The following PON1 variants were observed in gnomAD, a reference collection of about 807,000 sequenced individuals.
PON1 encodes the protein serum paraoxonase/arylesterase 1.
PON1 carries 37 observed loss-of-function variants against 39.2 expected under a neutral mutation model. The ratio of observed to expected loss-of-function variants is 0.94; its 90% confidence interval spans 0.73 to 1.24. The LOEUF is 1.24. Among genes scored for constraint, PON1 ranks in the 50% most tolerant of loss-of-function variants. PON1 has a pLI of 0.00. For synonymous variants in PON1, 148 were observed against 152.2 expected, an observed-to-expected ratio of 0.97 and a Z score of 0.21; for missense variants, 397 against 413.5, an observed-to-expected ratio of 0.96 and a Z score of 0.35.
chr7:95,302,231 CAT>C lies in PON1; in HGVS notation c.881_882del (p.Tyr294Ter). The C allele has an allele frequency of 6.2e-7, 1 of 1,611,870 alleles. No homozygotes were observed. The highest frequency in any genetic ancestry group is 8.5e-7 in the Non-Finnish European group (1 of 1,178,814). On this transcript the variant is annotated frameshift_variant, in exon 8 of 9. Coordinates refer to ENST00000222381, the MANE Select transcript of PON1 (RefSeq NM_000446.7). LOFTEE classifies it low-confidence loss of function (END_TRUNC). ...CHPNGMKIFFYDSENPPASEV... is the reference protein window; with the variant it reads ...CHPNGMKIFFXDSENPPASEV... ...TCTGATGCAGGAGGATTCTCTGAGT[CAT>C]AGAAGAAGATTTTCATGCCATTGGG... is the stretch of plus-strand genomic sequence containing the variant.
intron 4 of PON1, among the ~76,000 whole-genome samples, chr7:95,312,995 T>C (rs1322746668): frequency 6.6e-6 from 1 of 152,070 alleles, no homozygotes; most frequent in Non-Finnish European, 1.5e-5. Context: ...CTCACTGGGG[T>C]ATTTGAACCA....
rs141598837 is a variant in PON1 at position 95,298,993 on chromosome 7, T to C, written c.1019A>G (p.Lys340Arg). The C allele has an allele frequency of 3.4e-5, 55 of 1,614,192 alleles. No homozygotes were observed. In the East Asian group the frequency reaches 3.6e-4, roughly 10 times the overall value. The change falls in exon 9 of 9, where the codon AAA (lysine) becomes AGA (arginine). Residue 340 changes from lysine (K) to arginine (R), a missense_variant. Physicochemically the swap from Lys to Arg is conservative, Grantham distance 26. Transcript: ENST00000222381. ...GSTVASVYKG[K>R]LLIGTVFHKA... ...GTGAAACACTGTGCCAATCAGCAGTTTCCCTTTGTACACAGAGGCAACTGT... is the reference window on the plus strand; with the variant it reads ...GTGAAACACTGTGCCAATCAGCAGTCTCCCTTTGTACACAGAGGCAACTGT...
chr7:95,317,573 C>CAAAAAAAAAAA (rs869140411), intron 2 of PON1, among the ~76,000 whole-genome samples: 16 of 46,636 alleles, frequency 3.4e-4, no homozygotes, highest in African/African-American at 6.0e-4. Context: ...TCTAAAAGAA[C>CAAAAAAAAAAA]AAAAAAAAAA....
rs1308230700 is a variant in PON1 at position 95,312,414 on chromosome 7, G to C, written c.371-837C>G. The stretch of plus-strand genomic sequence containing the variant: ...TCACCATGTTAAGATGCAAAATTTG[G>C]CAGGTTGAATTGAGAAGATTTGAAC... On this transcript the variant is annotated intron_variant, in intron 4 of 8. Coordinates refer to ENST00000222381, the MANE Select transcript of PON1 (RefSeq NM_000446.7). 3.9e-5 allele frequency among the ~76,000 whole-genome samples: 6 copies of C among 152,264 alleles called. No individual in the cohort carries two copies. The East Asian group carries it at 1.2e-3, about 29-fold the overall frequency.
At chr7:95,299,755 C>T (rs1807376659) in intron 8 of PON1, among the ~76,000 whole-genome samples, 2 of 152,130 alleles carry the variant, frequency 1.3e-5, no homozygotes, top group African/African-American at 2.4e-5. Context: ...GGCTTGCAGA[C>T]CGCCTACTGT....
intron 5 of PON1, among the ~76,000 whole-genome samples, chr7:95,308,731 C>CATGTCAGG (rs1213356052): frequency 2.0e-5 from 3 of 152,160 alleles, no homozygotes; most frequent in African/African-American, 7.2e-5. Flanking sequence ...AATCTTTTCA[C>CATGTCAGG]ATGTCAGGAC....
At chr7:95,299,356 G>A (rs922755240) in intron 8 of PON1, among the ~76,000 whole-genome samples, 2 of 152,140 alleles carry the variant, frequency 1.3e-5, no homozygotes, top group Non-Finnish European at 2.9e-5. Context: ...AATGAGCAGC[G>A]CATCCTGGAT....
rs1375295088 is a variant in PON1, at chr7:95,318,244, G to T, written c.145+79C>A. The T allele has an allele frequency of 2.6e-6, 3 of 1,165,540 alleles. No homozygotes were observed. In the East Asian group the frequency reaches 7.1e-5, roughly 28 times the overall value. The allele number at this position is 1,165,540 out of a possible 1,614,324, so 72.2% of individuals were successfully genotyped here. ...CAAAATTTTATTTTTGGACAGAATT[G>T]AACAGGCACATTAATCACACAAAGA... On this transcript the variant is annotated intron_variant, in intron 2 of 8. Coordinates refer to ENST00000222381, the MANE Select transcript of PON1 (RefSeq NM_000446.7).
chr7:95,300,365 C>A (rs941143098), intron 8 of PON1, among the ~76,000 whole-genome samples: 2 of 152,152 alleles, frequency 1.3e-5, no homozygotes, highest in Admixed American at 1.3e-4. Context: ...TATTATTAAG[C>A]CTTTATGATA....
chr7:95,307,412 T>C (rs982665274), intron 6 of PON1, among the ~76,000 whole-genome samples: 1 of 152,142 alleles, frequency 6.6e-6, no homozygotes, highest in South Asian at 2.1e-4. Context: ...TGACACAAGA[T>C]GAGAAAGGGC....
chr7:95,318,530 T>C (rs1807824844), intron 1 of PON1, 137 bp from the exon 2 acceptor site: 1 of 778,068 alleles, frequency 1.3e-6, no homozygotes, highest in Admixed American at 2.1e-5. Flanking sequence ...CCTGCAATTT[T>C]TCCAGGCAAG....
chr7:95,320,218 A>G (rs1314435305), intron 1 of PON1, among the ~76,000 whole-genome samples: 1 of 152,244 alleles, frequency 6.6e-6, no homozygotes, highest in East Asian at 1.9e-4. Flanking sequence ...AATGGGAAGA[A>G]TACTCATGCT....
rs149100710 is a variant in PON1 at position 95,318,323 on chromosome 7, C to T, written c.145G>A (p.Glu49Lys). The T allele has an allele frequency of 4.4e-5, 70 of 1,601,568 alleles. No homozygotes were observed. Among genetic ancestry groups the T allele is most frequent in the Non-Finnish European group, 5.6e-5 (66 of 1,168,784 alleles). ...LPNCNLVKGI[E>K]TGSEDLEILP... The stretch of plus-strand genomic sequence containing the variant: ...ACCCTTCTTCCTCTCACATACATAC[C>T]GATTCCTTTAACTAAATTACAGTTA... Residue 49 changes from glutamate (E) to lysine (K), a missense_variant and splice_region_variant, in exon 2 of 9, where the codon GAA becomes AAA. Coordinates refer to ENST00000222381, the MANE Select transcript of PON1 (RefSeq NM_000446.7).
At chr7:95,321,339 G>C (rs1335940357) in intron 1 of PON1, among the ~76,000 whole-genome samples, 3 of 152,168 alleles carry the variant, frequency 2.0e-5, no homozygotes, top group Non-Finnish European at 2.9e-5. Flanking sequence ...ATACATGCTG[G>C]CTGCTCGCAG....
chr7:95,297,958 T>TTTCTTCCTAGTCATGTC lies in PON1; in HGVS notation c.*969_*985dup, dbSNP rs1425895761. On this transcript the variant is annotated 3_prime_UTR_variant, in exon 9 of 9. Transcript: ENST00000222381. ...CTATAACAAAATGATAAAGTCATGT[T>TTTCTTCCTAGTCATGTC]TTCTTCCTAGTCATGTCTCAGTAGA... is the stretch of plus-strand genomic sequence containing the variant. The TTTCTTCCTAGTCATGTC allele has an allele frequency of 3.3e-5, 5 of 152,218 alleles. No individual in the cohort carries two copies. Among genetic ancestry groups the TTTCTTCCTAGTCATGTC allele is most frequent in the African/African-American group, 1.2e-4 (5 of 41,466 alleles). 9.4% of individuals were successfully genotyped at this position (152,218 alleles called of 1,614,324 possible). A position where few individuals can be genotyped will look rare whatever the true frequency, so the allele number is the denominator to read the frequency against.
At position 95,308,475 on chromosome 7, in the gene PON1, CGTGTGTGT is replaced by C. The variant is rs10548570; in HGVS notation, c.498-272_498-265del. ...TATGTATCTTAAAATAGTGTTACGT[CGTGTGTGT>C]GTGTGTGTGTGTGTGTGTGTGTGTG... On this transcript the variant is annotated intron_variant, in intron 5 of 8. Transcript: ENST00000222381. Among the ~76,000 whole-genome samples the C allele has an allele frequency of 0.028, 4,064 of 147,130 alleles. 153 individuals are homozygous for C. The highest frequency in any genetic ancestry group is 0.089 in the African/African-American group (3,563 of 40,124).
intron 7 of PON1, 25 bp from the exon 8 acceptor site, chr7:95,302,358 G>A: frequency 6.3e-7 from 1 of 1,592,394 alleles, no homozygotes; most frequent in Non-Finnish European, 8.6e-7. Context: ...AACAAGAAAA[G>A]AACAAGACAT....
At chr7:95,314,245 C>T (rs141282600) in intron 4 of PON1, among the ~76,000 whole-genome samples, 85 of 151,886 alleles carry the variant, frequency 5.6e-4, no homozygotes, top group Admixed American at 2.6e-3. Context: ...CTGTGGTCCC[C>T]GCTACTCAGG....
chr7:95,318,679 A>G (rs1807827485), intron 1 of PON1: 1 of 371,348 alleles, frequency 2.7e-6, no homozygotes, highest in African/African-American at 2.1e-5. Context: ...CAATTTCATC[A>G]GTGTGTAAGG....
Sources: allele counts gnomAD v4.1 joint callset (sites outside exome capture counted in the v4.1 genomes callset), GRCh38; gene constraint gnomAD v4.1.1; transcripts MANE v1.5; gene names NCBI Gene and HGNC (gene_info 2026-07-23, HGNC 2026-07-21).